Variants in HAND2 observed in about 807,000 individuals in gnomAD.
HAND2 encodes the protein heart and neural crest derivatives expressed 2.
Under a neutral mutation model 14.7 loss-of-function variants are expected in HAND2, and 2 were observed. That is an observed-to-expected ratio of 0.14 (90% CI 0.06 to 0.43). HAND2 has a LOEUF of 0.43. HAND2 is among the 20% of genes least tolerant of loss of function. HAND2 has a pLI of 0.99. For missense variants in HAND2, 275 were observed against 313.6 expected, an observed-to-expected ratio of 0.88 and a Z score of 0.93; for synonymous variants, 162 against 135.9, an observed-to-expected ratio of 1.19 and a Z score of -1.34.
Position 173,528,931 on chromosome 4 carries a change from G to A in HAND2, c.359C>T (p.Ala120Val). 1 of 1,614,064 alleles carries A rather than the reference G, an allele frequency of 6.2e-7. No individual in the cohort carries two copies. Among genetic ancestry groups the A allele is most frequent in the Non-Finnish European group, 8.5e-7 (1 of 1,180,008 alleles). The part of the protein sequence containing the change: ...RRTQSINSAF[A>V]ELRECIPNVP... ...GTTGGGGATGCACTCGCGCAGTTCGGCGAAGGCGCTGTTGATGCTCTGAGT... is the reference window on the plus strand; with the variant it reads ...GTTGGGGATGCACTCGCGCAGTTCGACGAAGGCGCTGTTGATGCTCTGAGT... Residue 120 changes from alanine (A) to valine (V), a missense_variant, in exon 1 of 2, where the codon GCC becomes GTC. Physicochemically the swap from Ala to Val is moderately conservative, Grantham distance 64. Coordinates refer to ENST00000359562, the MANE Select transcript of HAND2 (RefSeq NM_021973.3). The surrounding 1 kb of genome is among the most constrained non-coding windows in gnomAD (Gnocchi z 5.6).
At position 173,529,258 on chromosome 4, in the gene HAND2, G is replaced by T; in HGVS notation, c.32C>A (p.Pro11Gln). 7 of 1,373,978 alleles carry T rather than the reference G, an allele frequency of 5.1e-6. No homozygotes were observed. Among genetic ancestry groups the T allele is most frequent in the Non-Finnish European group, 6.5e-6 (7 of 1,072,782 alleles). 85.1% of individuals were successfully genotyped at this position (1,373,978 alleles called of 1,614,324 possible). Residue 11 changes from proline to glutamine, a missense_variant, in exon 1 of 2, where the codon CCG becomes CAG. Coordinates refer to ENST00000359562, the MANE Select transcript of HAND2 (RefSeq NM_021973.3). MSLVGGFPHHPVVHHEGYPFA... is the reference protein window; with the variant it reads MSLVGGFPHHQVVHHEGYPFA... ...CGGGTAGCCCTCGTGGTGCACCACC[G>T]GGTGGTGGGGAAAACCACCTACCAG...
Position 173,528,512 on chromosome 4 carries a change from C to T in HAND2, c.555+223G>A. 1.7e-6 allele frequency: 1 copy of T among 593,198 alleles called. No individual in the cohort carries two copies. The highest frequency in any genetic ancestry group is 1.9e-5 in the African/African-American group (1 of 53,756). 36.7% of individuals were successfully genotyped at this position (593,198 alleles called of 1,614,324 possible). On this transcript the variant is annotated intron_variant, in intron 1 of 1. Transcript: ENST00000359562. The surrounding 1 kb of genome is among the most constrained non-coding windows in gnomAD (Gnocchi z 5.6). ...AGCGATAACCCGGAGGTAAGATCAC[C>T]AGCGCAAAGCATCCCTAACCTTCTC...
Position 173,527,043 on chromosome 4 carries a change from A to G in HAND2, c.*234T>C, listed in dbSNP as rs1731476164. ...GGGAGTGTCCTCTTCGTATTAAAAT[A>G]TGGAATGCTTTTCTTCAAATATCCA... On this transcript the variant is annotated 3_prime_UTR_variant, in exon 2 of 2. Transcript: ENST00000359562. The G allele has an allele frequency of 1.5e-6, 1 of 681,580 alleles. No homozygotes were observed. The highest frequency in any genetic ancestry group is 2.7e-6 in the Non-Finnish European group (1 of 372,056). The allele number at this position is 681,580 out of a possible 1,614,324, so 42.2% of individuals were successfully genotyped here.
chr4:173,529,162 A>T lies in HAND2; in HGVS notation c.128T>A (p.Phe43Tyr). The T allele has an allele frequency of 6.8e-7, 1 of 1,475,378 alleles. No homozygotes were observed. The highest frequency in any genetic ancestry group is 8.9e-7 in the Non-Finnish European group (1 of 1,123,924). The allele number at this position is 1,475,378 out of a possible 1,614,324, so 91.4% of individuals were successfully genotyped here. ...GGGGTGGCCGATGAGCCAGCCATGG[A>T]AGTAGGGGTTCTCCTCATGGCTGCA... ...SRCSHEENPY[F>Y]HGWLIGHPEM... The change falls in exon 1 of 2, where the codon TTC becomes TAC. Residue 43 changes from phenylalanine (F) to tyrosine (Y), a missense_variant. Coordinates refer to ENST00000359562, the MANE Select transcript of HAND2 (RefSeq NM_021973.3).
chr4:173,527,494 G>T (rs982803128), intron 1 of HAND2, 119 bp from the exon 2 acceptor site: 1 of 776,750 alleles, frequency 1.3e-6, no homozygotes, highest in Non-Finnish European at 2.3e-6. Context: ...GAGAGGAAAG[G>T]ATACGATGGG....
intron 1 of HAND2, 190 bp from the exon 2 acceptor site, chr4:173,527,565 C>T (rs1560884301): frequency 1.6e-6 from 1 of 624,348 alleles, no homozygotes; most frequent in South Asian, 1.8e-5. Context: ...GGCGGGGAGG[C>T]CTCGGCGCTG....
chr4:173,529,963 C>T lies in HAND2; in HGVS notation c.-674G>A, dbSNP rs1346739698. On this transcript the variant is annotated 5_prime_UTR_variant, in exon 1 of 2. Transcript: ENST00000359562. Reference sequence around the variant, plus strand: ...TTTTGGTCCTTAAATGTGATTTTAGCTGCGAGTAACGTGTCCTCGCTCCTC... The same window carrying T: ...TTTTGGTCCTTAAATGTGATTTTAGTTGCGAGTAACGTGTCCTCGCTCCTC... The T allele has an allele frequency of 1.3e-5, 2 of 152,042 alleles. No homozygotes were observed. Among genetic ancestry groups the T allele is most frequent in the African/African-American group, 4.8e-5 (2 of 41,382 alleles). 9.4% of individuals were successfully genotyped at this position (152,042 alleles called of 1,614,324 possible).
In HAND2 at chr4:173,529,044, C is replaced by G; in HGVS notation, c.246G>C (p.Gly82=). The G allele has an allele frequency of 1.3e-6, 2 of 1,497,730 alleles. No homozygotes were observed. The highest frequency in any genetic ancestry group is 8.8e-7 in the Non-Finnish European group (1 of 1,132,508). 92.8% of individuals were successfully genotyped at this position (1,497,730 alleles called of 1,614,324 possible). The part of the protein sequence containing the change: ...AAGLDHSHYG[G]VPPGAGPPGL... ...CCGGGGGCCCGGCGCCCGGCGGCACCCCCCCGTAATGGGAGTGGTCCAGGC... is the reference window on the plus strand; with the variant it reads ...CCGGGGGCCCGGCGCCCGGCGGCACGCCCCCGTAATGGGAGTGGTCCAGGC... Residue 82 remains glycine, a synonymous_variant, in exon 1 of 2, where the codon GGG becomes GGC. Transcript: ENST00000359562.
chr4:173,527,226 C>T lies in HAND2; in HGVS notation c.*51G>A. The T allele has an allele frequency of 1.6e-6, 2 of 1,249,072 alleles. No individual in the cohort carries two copies. The highest frequency in any genetic ancestry group is 2.3e-6 in the Non-Finnish European group (2 of 854,626). The allele number at this position is 1,249,072 out of a possible 1,614,324, so 77.4% of individuals were successfully genotyped here. A position where few individuals can be genotyped will look rare whatever the true frequency, so the allele number is the denominator to read the frequency against. ...TCCGGAGTCCTGGGTCTGCATCTGG[C>T]GCCTTGGCCCCTGCTCACTCGCGCT... On this transcript the variant is annotated 3_prime_UTR_variant, in exon 2 of 2. Transcript: ENST00000359562.
chr4:173,529,226 C>G lies in HAND2; in HGVS notation c.64G>C (p.Ala22Pro), dbSNP rs867226231. The G allele has an allele frequency of 5.6e-6, 8 of 1,418,930 alleles. No individual in the cohort carries two copies. Among genetic ancestry groups the G allele is most frequent in the Admixed American group, 3.3e-5 (1 of 30,392 alleles). 87.9% of individuals were successfully genotyped at this position (1,418,930 alleles called of 1,614,324 possible). ...GCGGCGGCAGCTGCGGCGGCGGCGG[C>G]GGCAAACGGGTAGCCCTCGTGGTGC... The part of the protein sequence containing the change: ...VVHHEGYPFA[A>P]AAAAAAAAAA... Residue 22 changes from alanine (A) to proline (P), a missense_variant, in exon 1 of 2, where the codon GCC becomes CCC. Transcript: ENST00000359562.
chr4:173,527,311 G>T lies in HAND2; in HGVS notation c.620C>A (p.Pro207Gln). Residue 207 changes from proline (P) to glutamine (Q), a missense_variant, in exon 2 of 2, where the codon CCG becomes CAG. By Grantham distance (76) the Pro-to-Gln change is moderately conservative (BLOSUM62 -1). Transcript: ENST00000359562. ...DKKTKGRTGW[P>Q]QHVWALELKQ ...GAGCTCCAGGGCCCAGACGTGCTGC[G>T]GCCAGCCCGTCCGGCCTTTGGTTTT... 1 of 1,613,278 alleles carries T rather than the reference G, an allele frequency of 6.2e-7. No individual in the cohort carries two copies.
intron 1 of HAND2, 146 bp from the exon 2 acceptor site, chr4:173,527,521 C>T: frequency 1.4e-6 from 1 of 719,212 alleles, no homozygotes; most frequent in Admixed American, 2.0e-5. Flanking sequence ...CCAGCCCCTG[C>T]AGAGAAGCTA....
In HAND2 at chr4:173,527,046, G is replaced by A. The variant is rs1241010851; in HGVS notation, c.*231C>T. 7 of 684,808 alleles carry A rather than the reference G, an allele frequency of 1.0e-5. No individual in the cohort carries two copies. Among genetic ancestry groups the A allele is most frequent in the Non-Finnish European group, 1.6e-5 (6 of 374,088 alleles). 42.4% of individuals were successfully genotyped at this position (684,808 alleles called of 1,614,324 possible). ...AGTGTCCTCTTCGTATTAAAATATG[G>A]AATGCTTTTCTTCAAATATCCACTT... On this transcript the variant is annotated 3_prime_UTR_variant, in exon 2 of 2. Coordinates refer to ENST00000359562, the MANE Select transcript of HAND2 (RefSeq NM_021973.3).
In HAND2 at chr4:173,528,646, T is replaced by C. The variant is rs1731584996; in HGVS notation, c.555+89A>G. The C allele has an allele frequency of 6.8e-7, 1 of 1,471,244 alleles. No homozygotes were observed. The highest frequency in any genetic ancestry group is 2.0e-5 in the Admixed American group (1 of 51,078). The allele number at this position is 1,471,244 out of a possible 1,614,324, so 91.1% of individuals were successfully genotyped here. Reference sequence around the variant, plus strand: ...CGGGACGCAGCCAAAGAACACGAGATGCCATTTCTCAGCCCAATTGGAAAG... The same window carrying C: ...CGGGACGCAGCCAAAGAACACGAGACGCCATTTCTCAGCCCAATTGGAAAG... On this transcript the variant is annotated intron_variant, in intron 1 of 1. Transcript: ENST00000359562. The surrounding 1 kb of genome is among the most constrained non-coding windows in gnomAD (Gnocchi z 5.6).
At position 173,529,200 on chromosome 4, in the gene HAND2, G is replaced by GGCGGCGGCAGCT; in HGVS notation, c.78_89dup (p.Ala29_Ala32dup). The GGCGGCGGCAGCT allele has an allele frequency of 3.5e-6, 5 of 1,430,220 alleles. No homozygotes were observed. The highest frequency in any genetic ancestry group is 3.6e-6 in the Non-Finnish European group (4 of 1,098,550). 88.6% of individuals were successfully genotyped at this position (1,430,220 alleles called of 1,614,324 possible). A position where few individuals can be genotyped will look rare whatever the true frequency, so the allele number is the denominator to read the frequency against. ...CCTCATGGCTGCAGCGGCTGGCGGC[G>GGCGGCGGCAGCT]GCGGCGGCAGCTGCGGCGGCGGCGG... On this transcript the variant is annotated inframe_insertion, in exon 1 of 2. Coordinates refer to ENST00000359562, the MANE Select transcript of HAND2 (RefSeq NM_021973.3).
chr4:173,529,000 G>A lies in HAND2; in HGVS notation c.290C>T (p.Pro97Leu). The change falls in exon 1 of 2, where the codon CCG becomes CTG. Residue 97 changes from proline (P) to leucine (L), a missense_variant. By Grantham distance (98) the Pro-to-Leu change is moderately conservative (BLOSUM62 -3). Coordinates refer to ENST00000359562, the MANE Select transcript of HAND2 (RefSeq NM_021973.3). This position sits in a 1 kb window ranked among gnomAD's most constrained non-coding sequence, Gnocchi z 5.6. The part of the protein sequence containing the change: ...AGPPGLGGPR[P>L]VKRRGTANRK... ...GTTGGCGGTGCCTCGGCGCTTCACC[G>A]GGCGCGGCCCCCCCAGGCCCGGGGG... 1.2e-6 allele frequency: 2 copies of A among 1,609,956 alleles called. No homozygotes were observed. Among genetic ancestry groups the A allele is most frequent in the Non-Finnish European group, 1.7e-6 (2 of 1,178,264 alleles).
In HAND2 at chr4:173,529,556, G is replaced by GGCC. The variant is rs930983811; in HGVS notation, c.-270_-268dup. ...GCTGGTCCTGGCACCGTGCGCCCCT[G>GGCC]GCCGCCGCCGCCGCCGCCTCCGGTT... On this transcript the variant is annotated 5_prime_UTR_variant, in exon 1 of 2. Coordinates refer to ENST00000359562, the MANE Select transcript of HAND2 (RefSeq NM_021973.3). The GGCC allele has an allele frequency of 8.4e-5, 13 of 153,924 alleles. No homozygotes were observed. Among genetic ancestry groups the GGCC allele is most frequent in the African/African-American group, 1.7e-4 (7 of 41,222 alleles). 9.5% of individuals were successfully genotyped at this position (153,924 alleles called of 1,614,324 possible). A position where few individuals can be genotyped will look rare whatever the true frequency, so the allele number is the denominator to read the frequency against.
rs771092361 is a variant in HAND2 at position 173,529,102 on chromosome 4, G to T, written c.188C>A (p.Ser63Tyr). Residue 63 changes from serine (S) to tyrosine (Y), a missense_variant, in exon 1 of 2, where the codon TCC (serine) becomes TAC (tyrosine). This residue lies in a region of HAND2 where 175 missense variants were observed against 157.1 expected (regional missense o/e 1.11). Transcript: ENST00000359562. ...GCCGCTGGCATACTCGGGGCTGTAG[G>T]ACAGGGCCATGCTGTAGTCGGGGGG... is the stretch of plus-strand genomic sequence containing the variant. ...MSPPDYSMAL[S>Y]YSPEYASGAA... is the part of the protein sequence containing the mutation. 4.6e-6 allele frequency: 7 copies of T among 1,509,404 alleles called. No homozygotes were observed. Among genetic ancestry groups the T allele is most frequent in the Middle Eastern group, 2.3e-4 (1 of 4,296 alleles). 93.5% of individuals were successfully genotyped at this position (1,509,404 alleles called of 1,614,324 possible).
At position 173,527,428 on chromosome 4, in the gene HAND2, G is replaced by A. The variant is rs139743145; in HGVS notation, c.556-53C>T. On this transcript the variant is annotated intron_variant, in intron 1 of 1. Transcript: ENST00000359562. ...AAAGTGGAAAGAGAAATTCAGAGAG[G>A]ATACCTGGTTCCACACCAACCCGGA... is the stretch of plus-strand genomic sequence containing the variant. 1,362 of 1,257,630 alleles carry A rather than the reference G, an allele frequency of 1.1e-3. 2 individuals are homozygous for A. Among genetic ancestry groups the A allele is most frequent in the Non-Finnish European group, 1.4e-3 (1,179 of 856,538 alleles). The allele number at this position is 1,257,630 out of a possible 1,614,324, so 77.9% of individuals were successfully genotyped here.
Sources: gnomAD v4.1 joint callset for allele counts on GRCh38, gnomAD v4.1.1 for gene constraint, gnomAD v4.1.1 regional missense constraint, Gnocchi (gnomAD v3.1) non-coding constraint, MANE v1.5 for transcripts, NCBI Gene and HGNC (gene_info 2026-07-23, HGNC 2026-07-21) for gene names.